CRMP1: variants seen among roughly 807,000 people sequenced by gnomAD.
CRMP1 encodes collapsin response mediator protein 1.
Under a neutral mutation model 68.3 loss-of-function variants are expected in CRMP1, and 19 were observed. That is an observed-to-expected ratio of 0.28 (90% CI 0.19 to 0.41). The LOEUF (loss-of-function observed/expected upper bound fraction) is 0.41, where lower values mean the gene tolerates loss of function less well. Ranked by LOEUF, CRMP1 falls within the 10% of genes least tolerant of loss-of-function variation. CRMP1 has a pLI of 1.00. For synonymous variants in CRMP1, 439 were observed against 399.6 expected (o/e 1.10, Z -1.18); for missense variants, 791 against 967.4 (o/e 0.82, Z 2.42).
chr4:5,888,369 G>C lies in CRMP1; in HGVS notation c.381+4220C>G. On this transcript the variant is annotated intron_variant, in intron 1 of 13. Coordinates refer to ENST00000324989, the MANE Select transcript of CRMP1 (RefSeq NM_001014809.3). This position sits in a 1 kb window ranked among gnomAD's most constrained non-coding sequence, Gnocchi z 6.4. Reference sequence around the variant, plus strand: ...CCAGCGGGCGCGCTGACAAAGGCCCGGGAGGGATAGAGACACGGACGGAGG... The same window carrying C: ...CCAGCGGGCGCGCTGACAAAGGCCCCGGAGGGATAGAGACACGGACGGAGG... 1 of 1,228,272 alleles carries C rather than the reference G, an allele frequency of 8.1e-7. No homozygotes were observed. The highest frequency in any genetic ancestry group is 4.1e-5 in the South Asian group (1 of 24,542). The allele number at this position is 1,228,272 out of a possible 1,614,324, so 76.1% of individuals were successfully genotyped here. A position where few individuals can be genotyped will look rare whatever the true frequency, so the allele number is the denominator to read the frequency against.
chr4:5,848,960 A>G (rs1316335611), intron 6 of CRMP1, among the ~76,000 whole-genome samples: 1 of 152,232 alleles, frequency 6.6e-6, no homozygotes, highest in Non-Finnish European at 1.5e-5. Flanking sequence ...TTTTCAACAT[A>G]TGAACTTTTG....
intron 6 of CRMP1, among the ~76,000 whole-genome samples, chr4:5,844,410 G>A (rs946821855): frequency 1.3e-5 from 2 of 152,232 alleles, no homozygotes; most frequent in East Asian, 1.9e-4. Context: ...AGAAAGCCAG[G>A]AGGGAGGGAG....
At chr4:5,845,858 G>A (rs1006552100) in intron 6 of CRMP1, among the ~76,000 whole-genome samples, 18 of 152,158 alleles carry the variant, frequency 1.2e-4, no homozygotes, top group African/African-American at 4.1e-4. Context: ...AGGACATTGA[G>A]TCCTCACAGG....
In CRMP1 at chr4:5,891,637, C is replaced by G. The variant is rs1715954805; in HGVS notation, c.381+952G>C. ...CCTGGGCCTGGCACCTAGCAGTTCT[C>G]CGGCATCCAGGTCTGGACCAATTCG... On this transcript the variant is annotated intron_variant, in intron 1 of 13. Coordinates refer to ENST00000324989, the MANE Select transcript of CRMP1 (RefSeq NM_001014809.3). The surrounding 1 kb of genome is among the most constrained non-coding windows in gnomAD (Gnocchi z 5.2). Among the ~76,000 whole-genome samples, 1 of 152,162 alleles carries G rather than the reference C, an allele frequency of 6.6e-6. No individual in the cohort carries two copies. The highest frequency in any genetic ancestry group is 1.5e-5 in the Non-Finnish European group (1 of 68,018).
chr4:5,826,147 C>T, intron 12 of CRMP1: 1 of 157,928 alleles, frequency 6.3e-6, no homozygotes, highest in Non-Finnish European at 1.4e-5. Flanking sequence ...CTCATACACA[C>T]AAAGCTTCAT....
At chr4:5,869,681 CAAAAAAAAAAAA>C (rs33973891) in intron 1 of CRMP1, among the ~76,000 whole-genome samples, 3,310 of 92,966 alleles carry the variant, frequency 0.036, 72 homozygotes, top group Non-Finnish European at 0.049. Flanking sequence ...AAGACTCCGT[CAAAAAAAAAAAA>C]AAAAAAAAGA....
At position 5,841,168 on chromosome 4, in the gene CRMP1, C is replaced by T. The variant is rs763890523; in HGVS notation, c.1153+140G>A. The T allele has an allele frequency of 4.2e-5, 53 of 1,274,302 alleles. No individual in the cohort carries two copies. The highest frequency in any genetic ancestry group is 5.8e-5 in the Non-Finnish European group (52 of 895,934). The allele number at this position is 1,274,302 out of a possible 1,614,324, so 78.9% of individuals were successfully genotyped here. On this transcript the variant is annotated intron_variant, in intron 8 of 13. Transcript: ENST00000324989. This position sits in a 1 kb window ranked among gnomAD's most constrained non-coding sequence, Gnocchi z 6.9. Reference sequence around the variant, plus strand: ...GGGACCAAAGAATTCCAGCCACCATCCTTGTGTCAGGAGCATCCCCGCTCC... The same window carrying T: ...GGGACCAAAGAATTCCAGCCACCATTCTTGTGTCAGGAGCATCCCCGCTCC...
rs924794809 is a variant in CRMP1 at position 5,838,117 on chromosome 4, G to T, written c.1311-1211C>A. Reference sequence around the variant, plus strand: ...AATTACGTCACTGAGGAGCCTTCTAGCAAAGATCTGAAGGAAGTCACAGAG... The same window carrying T: ...AATTACGTCACTGAGGAGCCTTCTATCAAAGATCTGAAGGAAGTCACAGAG... On this transcript the variant is annotated intron_variant, in intron 9 of 13. Transcript: ENST00000324989. This position sits in a 1 kb window ranked among gnomAD's most constrained non-coding sequence, Gnocchi z 4.9. Among the ~76,000 whole-genome samples, 14 of 152,156 alleles carry T rather than the reference G, an allele frequency of 9.2e-5. No individual in the cohort carries two copies. Among genetic ancestry groups the T allele is most frequent in the Non-Finnish European group, 1.6e-4 (11 of 68,040 alleles).
At chr4:5,871,798 T>C (rs1714473997) in intron 1 of CRMP1, among the ~76,000 whole-genome samples, 3 of 152,254 alleles carry the variant, frequency 2.0e-5, no homozygotes, top group Admixed American at 1.3e-4. Flanking sequence ...TGAGTTGATA[T>C]CTTTTCCAAA....
chr4:5,834,390 G>A lies in CRMP1; in HGVS notation c.1623+1525C>T, dbSNP rs549701700. Among the ~76,000 whole-genome samples, 2 of 152,212 alleles carry A rather than the reference G, an allele frequency of 1.3e-5. No homozygotes were observed. The highest frequency in any genetic ancestry group is 4.8e-5 in the African/African-American group (2 of 41,462). On this transcript the variant is annotated intron_variant, in intron 11 of 13. Transcript: ENST00000324989. This position sits in a 1 kb window ranked among gnomAD's most constrained non-coding sequence, Gnocchi z 4.3. ...AGTTAGTTATTGTGAGACTGGGCTT[G>A]TTATAAAAGCAAATTCAGCGTCCTC...
At chr4:5,868,300 T>C (rs1382789580) in intron 1 of CRMP1, among the ~76,000 whole-genome samples, 6 of 126,110 alleles carry the variant, frequency 4.8e-5, no homozygotes, top group Non-Finnish European at 8.5e-5. Flanking sequence ...TATATATATA[T>C]ATACATAATT....
Position 5,892,847 on chromosome 4 carries a change from GC to G in CRMP1, c.122del (p.Gly41AlafsTer48). ...AGTCGATGGTCTTGTTCTCGTAGGC[GC>G]CCTCCACCGCGGCGAACATGCCGCC... ...KYGGMFAAVE[G>X]AYENKTIDFD... is the part of the protein sequence containing the mutation. On this transcript the variant is annotated frameshift_variant, in exon 1 of 14. Coordinates refer to ENST00000324989, the MANE Select transcript of CRMP1 (RefSeq NM_001014809.3). LOFTEE classifies it high-confidence loss of function. This position sits in a 1 kb window ranked among gnomAD's most constrained non-coding sequence, Gnocchi z 8.6. 7.1e-7 allele frequency: 1 copy of G among 1,415,772 alleles called. No individual in the cohort carries two copies. Among genetic ancestry groups the G allele is most frequent in the Admixed American group, 2.6e-5 (1 of 39,142 alleles). The allele number at this position is 1,415,772 out of a possible 1,614,324, so 87.7% of individuals were successfully genotyped here.
At position 5,872,107 on chromosome 4, in the gene CRMP1, A is replaced by T. The variant is rs1193227348; in HGVS notation, c.382-5351T>A. ...TAAACATTCCCAAACTCTAGAATCC[A>T]TGACACCTCATAAGAAGATAGAACT... is the stretch of plus-strand genomic sequence containing the variant. On this transcript the variant is annotated intron_variant, in intron 1 of 13. Coordinates refer to ENST00000324989, the MANE Select transcript of CRMP1 (RefSeq NM_001014809.3). The surrounding 1 kb of genome is among the most constrained non-coding windows in gnomAD (Gnocchi z 4.6). 2.6e-5 allele frequency among the ~76,000 whole-genome samples: 4 copies of T among 152,158 alleles called. No homozygotes were observed. Among genetic ancestry groups the T allele is most frequent in the Non-Finnish European group, 5.9e-5 (4 of 68,026 alleles).
chr4:5,823,899 T>A (rs1449043310), intron 13 of CRMP1, among the ~76,000 whole-genome samples: 1 of 152,170 alleles, frequency 6.6e-6, no homozygotes, highest in Non-Finnish European at 1.5e-5. Flanking sequence ...CATACGCAGA[T>A]ATTAAAAAGG....
At chr4:5,844,195 T>C (rs1489493650) in intron 6 of CRMP1, among the ~76,000 whole-genome samples, 8 of 152,086 alleles carry the variant, frequency 5.3e-5, no homozygotes, top group Non-Finnish European at 7.4e-5. Context: ...GCTGGGTAGA[T>C]TGAAGTAAAC....
chr4:5,844,600 G>A (rs1230367660), intron 6 of CRMP1, among the ~76,000 whole-genome samples: 1 of 152,180 alleles, frequency 6.6e-6, no homozygotes, highest in African/African-American at 2.4e-5. Flanking sequence ...GAAGACCAGA[G>A]GAACAAAATG....
In CRMP1 at chr4:5,838,785, G is replaced by C. The variant is rs970469395; in HGVS notation, c.1310+737C>G. Reference sequence around the variant, plus strand: ...TGCCCCCTCCTCCAAGGTTCCTTCTGCCAAGAAGCCCCATCTTATCCTCCC... The same window carrying C: ...TGCCCCCTCCTCCAAGGTTCCTTCTCCCAAGAAGCCCCATCTTATCCTCCC... On this transcript the variant is annotated intron_variant, in intron 9 of 13. Transcript: ENST00000324989. This position sits in a 1 kb window ranked among gnomAD's most constrained non-coding sequence, Gnocchi z 4.9. Among the ~76,000 whole-genome samples the C allele has an allele frequency of 1.3e-5, 2 of 152,080 alleles. No homozygotes were observed. Among genetic ancestry groups the C allele is most frequent in the Admixed American group, 1.3e-4 (2 of 15,256 alleles).
intron 2 of CRMP1, among the ~76,000 whole-genome samples, chr4:5,862,709 C>T (rs764440083): frequency 1.3e-5 from 2 of 151,948 alleles, no homozygotes; most frequent in Non-Finnish European, 2.9e-5. Context: ...CACATGGGCA[C>T]GGACCTACAC....
Position 5,828,617 on chromosome 4 carries a change from C to G in CRMP1, c.1675G>C (p.Val559Leu), listed in dbSNP as rs974371024. The change falls in exon 12 of 14, where the codon GTG becomes CTG. Residue 559 changes from valine to leucine, a missense_variant. Val to Leu is a conservative substitution (Grantham distance 32). Around this residue, in one of 3 missense-constraint regions of CRMP1, gnomAD observed 594 missense variants for 763.6 expected, o/e 0.78. Coordinates refer to ENST00000324989, the MANE Select transcript of CRMP1 (RefSeq NM_001014809.3). ...ACGATCTTGCCCTGGCTGATGACCA[C>G]TAGTGGGGAGCCGTGGCACTCCATA... ...EGMECHGSPLVVISQGKIVFE... is the reference protein window; with the variant it reads ...EGMECHGSPLLVISQGKIVFE... 1 of 1,614,234 alleles carries G rather than the reference C, an allele frequency of 6.2e-7. No individual in the cohort carries two copies.
Sources: allele counts gnomAD v4.1 joint callset (sites outside exome capture counted in the v4.1 genomes callset), GRCh38; gene constraint gnomAD v4.1.1; regional missense constraint gnomAD v4.1.1; non-coding constraint Gnocchi (gnomAD v3.1); transcripts MANE v1.5; gene names NCBI Gene and HGNC (gene_info 2026-07-23, HGNC 2026-07-21).